GYS2: variants seen among roughly 807,000 people sequenced by gnomAD.
GYS2 encodes glycogen synthase 2.
A neutral mutation model predicts 85.6 loss-of-function variants in GYS2; 80 were observed. That is an observed-to-expected ratio of 0.93 (90% confidence interval 0.78 to 1.13). The LOEUF is 1.13. Ranked by LOEUF, GYS2 falls within the 50% of genes most tolerant of loss-of-function variation. The pLI, the probability that GYS2 is intolerant of heterozygous loss-of-function variation, is 0.00. For synonymous variants in GYS2, 328 were observed against 300.7 expected, an observed-to-expected ratio of 1.09 and a Z score of -0.94; for missense variants, 881 against 854.9, an observed-to-expected ratio of 1.03 and a Z score of -0.38.
At chr12:21,563,850 C>G (rs1404486198) in intron 5 of GYS2, among the ~76,000 whole-genome samples, 1 of 152,188 alleles carries the variant, frequency 6.6e-6, no homozygotes, top group Non-Finnish European at 1.5e-5. Context: ...ATACTGTTTC[C>G]TTAACCCTGC....
intron 12 of GYS2, among the ~76,000 whole-genome samples, chr12:21,545,520 A>G (rs1327075123): frequency 3.9e-5 from 6 of 152,226 alleles, no homozygotes; most frequent in Admixed American, 1.3e-4. Context: ...TAAGAGATGG[A>G]AAAGTTATTG....
At chr12:21,582,856 G>A (rs1168357746) in intron 1 of GYS2, among the ~76,000 whole-genome samples, 2 of 152,166 alleles carry the variant, frequency 1.3e-5, no homozygotes, top group African/African-American at 4.8e-5. Flanking sequence ...TGTTTAGAGA[G>A]TTATGCAAAA....
chr12:21,589,431 T>TA, intron 1 of GYS2, among the ~76,000 whole-genome samples: 1 of 152,176 alleles, frequency 6.6e-6, no homozygotes, highest in East Asian at 1.9e-4. Flanking sequence ...ACATAAAGCT[T>TA]AAAAAATTTC....
chr12:21,554,147 G>C (rs1048798178), intron 11 of GYS2, among the ~76,000 whole-genome samples: 7 of 151,582 alleles, frequency 4.6e-5, no homozygotes, highest in Non-Finnish European at 1.0e-4. Flanking sequence ...AAGCGAGGAA[G>C]GAAGGAAGAA....
chr12:21,603,297 T>TTA lies in GYS2; in HGVS notation c.121+1173_121+1174dup, dbSNP rs1944773640. Among the ~76,000 whole-genome samples, 4 of 152,270 alleles carry TTA rather than the reference T, an allele frequency of 2.6e-5. No homozygotes were observed. The South Asian group carries it at 8.3e-4, about 32-fold the overall frequency. On this transcript the variant is annotated intron_variant, in intron 1 of 15. Transcript: ENST00000261195. Reference sequence around the variant, plus strand: ...GAGAATAAGACCGTGCTTTGTTCTCTTATATGCATTCTGTCCACTTCTACA... The same window carrying TTA: ...GAGAATAAGACCGTGCTTTGTTCTCTTATATATGCATTCTGTCCACTTCTACA...
intron 11 of GYS2, among the ~76,000 whole-genome samples, chr12:21,557,847 C>A (rs531099774): frequency 6.6e-6 from 1 of 151,712 alleles, no homozygotes; most frequent in Non-Finnish European, 1.5e-5. Flanking sequence ...TGCAGTGAGC[C>A]GAGATAGCGC....
rs5796909 is a variant in GYS2, at chr12:21,551,518, T to TAA, written c.1423-5050_1423-5049dup. 5.8e-4 allele frequency among the ~76,000 whole-genome samples: 86 copies of TAA among 149,092 alleles called. 1 individual carries two copies. The East Asian group carries it at 5.9e-3, about 10-fold the overall frequency. On this transcript the variant is annotated intron_variant, in intron 11 of 15. Transcript: ENST00000261195. Reference sequence around the variant, plus strand: ...TCTTATCATATGCCAAGGATTAAAGTAAAAAAAAAAGTCTGAAGTCTTTGT... The same window carrying TAA: ...TCTTATCATATGCCAAGGATTAAAGTAAAAAAAAAAAAGTCTGAAGTCTTTGT...
chr12:21,596,160 G>C (rs2136933038), intron 1 of GYS2, among the ~76,000 whole-genome samples: 1 of 152,050 alleles, frequency 6.6e-6, no homozygotes, highest in South Asian at 2.1e-4. Context: ...ATTCACAACA[G>C]AATTCTACTA....
At chr12:21,601,037 T>C (rs1188282003) in intron 1 of GYS2, among the ~76,000 whole-genome samples, 2 of 152,170 alleles carry the variant, frequency 1.3e-5, no homozygotes, top group African/African-American at 2.4e-5. Flanking sequence ...ATTCTTAAAT[T>C]AACTTTCATT....
chr12:21,538,547 A>C (rs74395747), intron 15 of GYS2, among the ~76,000 whole-genome samples: 3,666 of 152,280 alleles, frequency 0.024, 150 homozygotes, highest in African/African-American at 0.082. Context: ...GCATGCAGCT[A>C]CTAAGCTAAG....
Position 21,574,258 on chromosome 12 carries a change from C to A in GYS2, c.564G>T (p.Leu188=). Residue 188 remains leucine (L), a synonymous_variant, in exon 4 of 16, where the codon CTG becomes CTT. Transcript: ENST00000261195. ...QFHEWQAGIG[L]ILSRARKLPI... is the part of the protein sequence containing the mutation. ...GAAGTTTCCTGGCTCGAGAAAGGATCAGTCCAATTCCAGCCTGCCATTCAT... is the reference window on the plus strand; with the variant it reads ...GAAGTTTCCTGGCTCGAGAAAGGATAAGTCCAATTCCAGCCTGCCATTCAT... The A allele has an allele frequency of 1.9e-6, 3 of 1,613,600 alleles. No homozygotes were observed. Among genetic ancestry groups the A allele is most frequent in the Non-Finnish European group, 1.7e-6 (2 of 1,179,564 alleles).
At chr12:21,546,285 A>C (rs567624059) in intron 12 of GYS2, 59 bp downstream of exon 12, 2 of 1,167,374 alleles carry the variant, frequency 1.7e-6, no homozygotes, top group Non-Finnish European at 2.5e-6. Flanking sequence ...ATATATATGC[A>C]CATAAAATAA....
downstream of GYS2, among the ~76,000 whole-genome samples, chr12:21,535,371 A>G (rs1943901260): frequency 1.3e-5 from 2 of 152,184 alleles, no homozygotes; most frequent in South Asian, 4.1e-4. Context: ...CTGGTACTTC[A>G]GGGAATGAGC....
chr12:21,580,595 G>T, intron 1 of GYS2, 72 bp from the exon 2 acceptor site: 6 of 1,113,064 alleles, frequency 5.4e-6, no homozygotes, highest in Non-Finnish European at 8.2e-6. Context: ...GGATGGAAAT[G>T]AGTTCAGATT....
intron 1 of GYS2, among the ~76,000 whole-genome samples, chr12:21,601,357 TC>T (rs1295552359): frequency 1.3e-5 from 2 of 152,118 alleles, no homozygotes; most frequent in Non-Finnish European, 2.9e-5. Flanking sequence ...CATTCATTGT[TC>T]ATACCCTGGA....
chr12:21,552,823 C>G (rs537581050), intron 11 of GYS2, among the ~76,000 whole-genome samples: 3 of 152,102 alleles, frequency 2.0e-5, no homozygotes, highest in Non-Finnish European at 4.4e-5. Context: ...ATGACAAATT[C>G]CAGATCATTA....
chr12:21,543,005 G>A (rs191339359), intron 12 of GYS2, among the ~76,000 whole-genome samples: 1 of 152,262 alleles, frequency 6.6e-6, no homozygotes, highest in Admixed American at 6.5e-5. Context: ...AGTTTATGAG[G>A]TAGGTTAAAT....
chr12:21,575,842 G>A, intron 3 of GYS2, 24 bp downstream of exon 3: 1 of 1,561,898 alleles, frequency 6.4e-7, no homozygotes, highest in Non-Finnish European at 8.8e-7. Flanking sequence ...CTCCTCCGTT[G>A]TATCACTATA....
At chr12:21,562,564 T>C (rs1944266566) in intron 7 of GYS2, among the ~76,000 whole-genome samples, 1 of 152,134 alleles carries the variant, frequency 6.6e-6, no homozygotes, top group South Asian at 2.1e-4. Flanking sequence ...TTACTGGATT[T>C]CTCTATATTT....
Sources: gnomAD v4.1 joint callset for allele counts (sites outside exome capture counted in the v4.1 genomes callset) on GRCh38, gnomAD v4.1.1 for gene constraint, MANE v1.5 for transcripts, NCBI Gene and HGNC (gene_info 2026-07-23, HGNC 2026-07-21) for gene names.